CENPI: variants seen among roughly 807,000 people sequenced by gnomAD.
CENPI encodes FSH primary response 1.
A neutral mutation model predicts 60.4 loss-of-function variants in CENPI; 4 were observed. The ratio of observed to expected loss-of-function variants is 0.07; its 90% CI spans 0.03 to 0.15. The LOEUF is 0.15. Ranked by LOEUF, CENPI falls within the 10% of genes least tolerant of loss-of-function variation. The pLI, the probability that CENPI is intolerant of heterozygous loss-of-function variation, is 1.00. For synonymous variants in CENPI, 157 were observed against 189.4 expected, an observed-to-expected ratio of 0.83 and a Z score of 1.40; for missense variants, 444 against 534.5, an observed-to-expected ratio of 0.83 and a Z score of 1.67.
At chrX:101,148,921 G>A (rs923466744) in intron 20 of CENPI, among the ~76,000 whole-genome samples, 9 of 111,934 alleles carry the variant, frequency 8.0e-5, no homozygotes, top group African/African-American at 2.9e-4. Flanking sequence ...AGGCACTACA[G>A]TGAATAAGAC....
At chrX:101,132,597 A>C in intron 15 of CENPI, 141 bp downstream of exon 15, 2 of 478,473 alleles carry the variant, frequency 4.2e-6, no homozygotes, top group Non-Finnish European at 6.9e-6. Context: ...GCATCACTCA[A>C]CTCAAAGTTA....
In CENPI at chrX:101,147,927, A is replaced by C. The variant is rs376778372; in HGVS notation, c.1876-16A>C. On this transcript the variant is annotated splice_polypyrimidine_tract_variant and intron_variant, in intron 19 of 21. Transcript: ENST00000682095. ...GAATAGGTGATAGTGACAATTTTTT[A>C]TTTCTTTCCCATTAGACAAAATCAG... is the stretch of plus-strand genomic sequence containing the variant. The C allele has an allele frequency of 2.1e-5, 25 of 1,195,498 alleles. No individual in the cohort carries two copies. The highest frequency in any genetic ancestry group is 4.5e-6 in the Non-Finnish European group (4 of 882,555).
At chrX:101,161,902 G>A (rs2090111006) in intron 21 of CENPI, among the ~76,000 whole-genome samples, 1 of 111,648 alleles carries the variant, frequency 9.0e-6, no homozygotes, top group African/African-American at 3.3e-5. Flanking sequence ...AGCACTTGGA[G>A]TGGTTGAGGC....
chrX:101,124,305 G>A (rs1279219816), intron 8 of CENPI, among the ~76,000 whole-genome samples: 1 of 110,955 alleles, frequency 9.0e-6, no homozygotes, highest in African/African-American at 3.3e-5. Flanking sequence ...TGCAAATAAA[G>A]TCTGAAGGCA....
chrX:101,174,171 T>C, the CENPI span, among the ~76,000 whole-genome samples: 1 of 112,405 alleles, frequency 8.9e-6, no homozygotes, highest in Non-Finnish European at 1.9e-5. Flanking sequence ...TCACCCAGTG[T>C]GGAAATTAGT....
At chrX:101,161,620 C>T in intron 21 of CENPI, 51 bp downstream of exon 21, 1 of 1,069,561 alleles carries the variant, frequency 9.3e-7, no homozygotes. Flanking sequence ...AGCTTAATTT[C>T]ATCAAGAGAA....
intron 8 of CENPI, among the ~76,000 whole-genome samples, chrX:101,121,001 G>A (rs1039364258): frequency 1.0e-4 from 11 of 107,833 alleles, no homozygotes; most frequent in African/African-American, 1.4e-4. Context: ...TTACCCTCCC[G>A]AGTAGCTGGG....
intron 15 of CENPI, among the ~76,000 whole-genome samples, chrX:101,139,051 A>G (rs1291392384): frequency 1.0e-5 from 1 of 96,789 alleles, no homozygotes; most frequent in Non-Finnish European, 2.0e-5. Flanking sequence ...GGCCTCCCAA[A>G]GTGCTGGGAT....
Position 101,163,152 on chromosome X carries a change from T to TA in CENPI, c.*186dup. Reference sequence around the variant, plus strand: ...TGTGCCTAACTGATTTTTCAAAATTTAGATTTTTTTAGCCTACCAGTGAAA... The same window carrying TA: ...TGTGCCTAACTGATTTTTCAAAATTTAAGATTTTTTTAGCCTACCAGTGAAA... On this transcript the variant is annotated 3_prime_UTR_variant, in exon 22 of 22. Transcript: ENST00000682095. The TA allele has an allele frequency of 2.5e-6, 1 of 395,763 alleles. No homozygotes were observed. The highest frequency in any genetic ancestry group is 4.8e-5 in the East Asian group (1 of 20,804). 32.6% of individuals were successfully genotyped at this position (395,763 alleles called of 1,213,427 possible). A position where few individuals can be genotyped will look rare whatever the true frequency, so the allele number is the denominator to read the frequency against.
At chrX:101,143,048 C>T (rs1311991320) in intron 16 of CENPI, among the ~76,000 whole-genome samples, 30 of 89,738 alleles carry the variant, frequency 3.3e-4, no homozygotes, top group African/African-American at 4.9e-4. Context: ...CCAGCCTGGG[C>T]GACAGAGTGA....
chrX:101,179,959 A>G, the CENPI span, among the ~76,000 whole-genome samples: 6 of 111,963 alleles, frequency 5.4e-5, no homozygotes, highest in Admixed American at 9.5e-5. Context: ...GTAATGTATG[A>G]GGCTTCTATT....
intron 15 of CENPI, among the ~76,000 whole-genome samples, chrX:101,134,722 A>C (rs2030545265): frequency 9.0e-6 from 1 of 111,393 alleles, no homozygotes; most frequent in South Asian, 3.8e-4. Flanking sequence ...CTGAAAAAGG[A>C]GGTTAAAAAT....
At chrX:101,160,097 T>C (rs976907935) in intron 20 of CENPI, among the ~76,000 whole-genome samples, 1 of 112,359 alleles carries the variant, frequency 8.9e-6, no homozygotes, top group Admixed American at 9.5e-5. Context: ...GTTGTGATCA[T>C]TGTCAGTCAG....
At chrX:101,136,018 C>T (rs899216150) in intron 15 of CENPI, among the ~76,000 whole-genome samples, 2 of 112,243 alleles carry the variant, frequency 1.8e-5, no homozygotes, top group Non-Finnish European at 1.9e-5. Context: ...CCACTGTGCC[C>T]GACCTGTATA....
rs759055456 is a variant in CENPI, at chrX:101,111,890, G to A, written c.591+1892G>A. Among the ~76,000 whole-genome samples, 33 of 111,172 alleles carry A rather than the reference G, an allele frequency of 3.0e-4. No individual in the cohort carries two copies. The South Asian group carries it at 3.1e-3, about 10-fold the overall frequency. ...CTGCTAAAAATACAAAAATTAGCTG[G>A]GCATGGTGGCACATGCCTGTAGTCC... On this transcript the variant is annotated intron_variant, in intron 6 of 21. Transcript: ENST00000682095.
downstream of CENPI, among the ~76,000 whole-genome samples, chrX:101,169,619 C>G (rs1353384793): frequency 2.7e-5 from 3 of 112,167 alleles, no homozygotes; most frequent in African/African-American, 6.5e-5. Flanking sequence ...TTTGGAGCAT[C>G]TACTCATACT....
chrX:101,130,362 A>C (rs1312389184), intron 13 of CENPI, among the ~76,000 whole-genome samples: 2 of 111,630 alleles, frequency 1.8e-5, no homozygotes, highest in Non-Finnish European at 3.8e-5. Context: ...TGAGCTCAGG[A>C]GGTCAAGGCT....
rs1479022260 is a variant in CENPI at position 101,147,829 on chromosome X, CTG to C, written c.1875+22_1875+23del. The C allele has an allele frequency of 8.4e-7, 1 of 1,196,391 alleles. No homozygotes were observed. The highest frequency in any genetic ancestry group is 1.1e-6 in the Non-Finnish European group (1 of 884,924). On this transcript the variant is annotated intron_variant, in intron 19 of 21. Coordinates refer to ENST00000682095, the MANE Select transcript of CENPI (RefSeq NM_001386188.2). ...TACAAAAGGTATGAATGAGAAAGCT[CTG>C]TGTTAAATCACTGTTGTTTAAAAAT...
chrX:101,177,420 G>T, the CENPI span, among the ~76,000 whole-genome samples: 54 of 111,485 alleles, frequency 4.8e-4, no homozygotes, highest in Non-Finnish European at 8.9e-4. Flanking sequence ...GGTGGGCTTT[G>T]CTGGGCAGCC....
Sources: gnomAD v4.1 joint callset for allele counts (sites outside exome capture counted in the v4.1 genomes callset) on GRCh38, gnomAD v4.1.1 for gene constraint, MANE v1.5 for transcripts, NCBI Gene and HGNC (gene_info 2026-07-23, HGNC 2026-07-21) for gene names.